The following CNTN1 variants were observed in gnomAD, a reference collection of about 807,000 sequenced individuals.
The protein encoded by CNTN1 is contactin-1.
A neutral mutation model predicts 126.4 loss-of-function variants in CNTN1; 38 were observed. The observed-to-expected ratio is 0.30, with a 90% CI of 0.23 to 0.39. The LOEUF (loss-of-function observed/expected upper bound fraction) is 0.39. CNTN1 is among the 10% of genes least tolerant of loss of function. The pLI, the probability that CNTN1 is intolerant of heterozygous loss-of-function variation, is 1.00. For missense variants in CNTN1, 1,009 were observed against 1,248.4 expected (o/e 0.81, Z 2.89); for synonymous variants, 413 against 422.6 (o/e 0.98, Z 0.28).
intron 3 of CNTN1, among the ~76,000 whole-genome samples, chr12:40,911,300 T>TCA (rs1486896784): frequency 3.9e-5 from 6 of 152,052 alleles, no homozygotes; most frequent in African/African-American, 1.2e-4. Flanking sequence ...CAGGATGGTC[T>TCA]CAATCTCCTG....
At chr12:40,831,663 C>T (rs867984454) in intron 1 of CNTN1, among the ~76,000 whole-genome samples, 2 of 152,034 alleles carry the variant, frequency 1.3e-5, no homozygotes, top group African/African-American at 2.4e-5. Flanking sequence ...CAATTTATTC[C>T]CTCTTATTGT....
At chr12:40,984,911 A>AT (rs1947915389) in intron 16 of CNTN1, among the ~76,000 whole-genome samples, 1 of 152,114 alleles carries the variant, frequency 6.6e-6, no homozygotes, top group East Asian at 1.9e-4. Context: ...ACTTTTAAAT[A>AT]AGTTAAGAGA....
intron 1 of CNTN1, among the ~76,000 whole-genome samples, chr12:40,815,684 A>G (rs941459501): frequency 6.6e-6 from 1 of 152,122 alleles, no homozygotes; most frequent in South Asian, 2.1e-4. Context: ...TTCCAATTCT[A>G]TGTTGAATAG....
chr12:40,915,876 G>C (rs1945220115), intron 3 of CNTN1, among the ~76,000 whole-genome samples: 1 of 152,058 alleles, frequency 6.6e-6, no homozygotes, highest in African/African-American at 2.4e-5. Context: ...TGCTACCACT[G>C]TTGTAAGAAG....
chr12:40,890,295 C>T lies in CNTN1; in HGVS notation c.-76-18062C>T, dbSNP rs537242392. 2.0e-5 allele frequency among the ~76,000 whole-genome samples: 3 copies of T among 152,286 alleles called. No individual in the cohort carries two copies. The South Asian group carries it at 6.2e-4, about 32-fold the overall frequency. On this transcript the variant is annotated intron_variant, in intron 1 of 23. Coordinates refer to ENST00000551295, the MANE Select transcript of CNTN1 (RefSeq NM_001843.4). ...ACATAGCCTCCCCCACTGTCAACATCCCGCACCAAAGTGGTACAGTTGTTA... is the reference window on the plus strand; with the variant it reads ...ACATAGCCTCCCCCACTGTCAACATTCCGCACCAAAGTGGTACAGTTGTTA...
intron 23 of CNTN1, among the ~76,000 whole-genome samples, chr12:41,039,032 C>A (rs193100504): frequency 1.3e-5 from 2 of 152,138 alleles, no homozygotes. Flanking sequence ...GAGACCAGTA[C>A]GGCTGGGGCC....
At chr12:40,982,714 T>C (rs1592360069) in intron 16 of CNTN1, among the ~76,000 whole-genome samples, 1 of 151,898 alleles carries the variant, frequency 6.6e-6, no homozygotes, top group African/African-American at 2.4e-5. Context: ...CAATAAAACC[T>C]GTCTTCAAGG....
At chr12:40,835,778 C>T (rs559382283) in intron 1 of CNTN1, among the ~76,000 whole-genome samples, 221 of 146,146 alleles carry the variant, frequency 1.5e-3, no homozygotes, top group African/African-American at 5.1e-3. Context: ...CAGTGTCTTC[C>T]GAAATTCTAA....
intron 1 of CNTN1, among the ~76,000 whole-genome samples, chr12:40,793,319 C>T (rs960495580): frequency 2.6e-5 from 4 of 151,992 alleles, no homozygotes; most frequent in African/African-American, 7.2e-5. Flanking sequence ...TGCATAGTTC[C>T]GGTGTCCATA....
At chr12:40,951,793 T>C (rs892281169) in intron 14 of CNTN1, among the ~76,000 whole-genome samples, 1 of 151,764 alleles carries the variant, frequency 6.6e-6, no homozygotes, top group Non-Finnish European at 1.5e-5. Context: ...ACCTCAATTT[T>C]TTGAGATTCA....
Position 40,795,299 on chromosome 12 carries a change from ACACACACACACACACACACATT to A in CNTN1, c.-77+102708_-77+102729del, listed in dbSNP as rs1299354950. ...TACACACACACACACACACACACACACACACACACACACACACACATTTTTTTTTTTTTTTTGAAACAAAGTC... is the reference window on the plus strand; with the variant it reads ...TACACACACACACACACACACACACATTTTTTTTTTTTTTGAAACAAAGTC... On this transcript the variant is annotated intron_variant, in intron 1 of 23. Coordinates refer to ENST00000551295, the MANE Select transcript of CNTN1 (RefSeq NM_001843.4). 9.8e-4 allele frequency among the ~76,000 whole-genome samples: 111 copies of A among 113,840 alleles called. 2 individuals carry two copies. Among genetic ancestry groups the A allele is most frequent in the Admixed American group, 1.3e-3 (14 of 11,174 alleles). 74.7% of individuals were successfully genotyped at this position (113,840 alleles called of 152,430 possible).
intron 1 of CNTN1, among the ~76,000 whole-genome samples, chr12:40,760,660 A>G (rs6581942): frequency 0.69 from 104,750 of 151,944 alleles, 37,387 homozygotes; most frequent in East Asian, 0.84. Flanking sequence ...ATTGGATTTT[A>G]TTTTCTAATT....
Position 40,911,062 on chromosome 12 carries a change from G to A in CNTN1, c.94+957G>A, listed in dbSNP as rs370529921. ...AGGCCTCAGAATTACGGCAGGAGGCGAAAGGCACTTTTTAATTTATTTATT... is the reference window on the plus strand; with the variant it reads ...AGGCCTCAGAATTACGGCAGGAGGCAAAAGGCACTTTTTAATTTATTTATT... On this transcript the variant is annotated intron_variant, in intron 3 of 23. Coordinates refer to ENST00000551295, the MANE Select transcript of CNTN1 (RefSeq NM_001843.4). 1.2e-4 allele frequency among the ~76,000 whole-genome samples: 19 copies of A among 152,164 alleles called. No homozygotes were observed. In the East Asian group the frequency reaches 2.1e-3, roughly 17 times the overall value.
At chr12:40,881,782 C>T (rs1207559707) in intron 1 of CNTN1, among the ~76,000 whole-genome samples, 1 of 151,768 alleles carries the variant, frequency 6.6e-6, no homozygotes, top group Non-Finnish European at 1.5e-5. Flanking sequence ...AATTTTTCCT[C>T]ATGTGAGTTC....
At chr12:40,830,632 G>A (rs1436181271) in intron 1 of CNTN1, among the ~76,000 whole-genome samples, 1 of 150,202 alleles carries the variant, frequency 6.7e-6, no homozygotes, top group Non-Finnish European at 1.5e-5. Flanking sequence ...GTGACTTAGA[G>A]TGAGAAATAA....
chr12:40,949,478 A>G (rs1481702514), intron 14 of CNTN1, among the ~76,000 whole-genome samples: 1 of 118,154 alleles, frequency 8.5e-6, no homozygotes, highest in Admixed American at 1.1e-4. Flanking sequence ...TCCTGTGTCC[A>G]TGTGATCTCA....
At chr12:40,731,077 A>T (rs1049674348) in intron 1 of CNTN1, among the ~76,000 whole-genome samples, 3 of 152,134 alleles carry the variant, frequency 2.0e-5, no homozygotes, top group Non-Finnish European at 2.9e-5. Context: ...AGAAGAAAAA[A>T]GTCACCAAAA....
intron 14 of CNTN1, among the ~76,000 whole-genome samples, chr12:40,946,957 TA>T (rs1946454790): frequency 6.6e-6 from 1 of 152,012 alleles, no homozygotes; most frequent in Non-Finnish European, 1.5e-5. Flanking sequence ...GTCTTCTTTA[TA>T]TTTTTTCTAA....
intron 19 of CNTN1, among the ~76,000 whole-genome samples, chr12:41,019,609 A>T (rs1948860401): frequency 1.3e-5 from 2 of 152,148 alleles, no homozygotes; most frequent in Non-Finnish European, 2.9e-5. Context: ...CTTTGTGTAA[A>T]TTTCATAAGG....
Sources: allele counts gnomAD v4.1 joint callset (sites outside exome capture counted in the v4.1 genomes callset), GRCh38; gene constraint gnomAD v4.1.1; transcripts MANE v1.5; gene names NCBI Gene and HGNC (gene_info 2026-07-23, HGNC 2026-07-21).